Variants in ZFHX3 observed in about 807,000 individuals in gnomAD.
ZFHX3 encodes zinc finger homeobox 3.
ZFHX3 carries 42 observed loss-of-function variants against 279.1 expected under a neutral mutation model. The observed-to-expected ratio is 0.15, with a 90% CI of 0.12 to 0.19. The LOEUF (loss-of-function observed/expected upper bound fraction) is 0.19. Ranked by LOEUF, ZFHX3 falls within the 10% of genes least tolerant of loss-of-function variation. The pLI, the probability that ZFHX3 is intolerant of heterozygous loss-of-function variation, is 1.00. For synonymous variants in ZFHX3, 2,293 were observed against 1,957.8 expected (o/e 1.17, Z -4.52); for missense variants, 4,981 against 4,754.0 (o/e 1.05, Z -1.40).
intron 3 of ZFHX3, among the ~76,000 whole-genome samples, chr16:72,940,767 G>A (rs562870297): frequency 3.7e-4 from 56 of 152,354 alleles, no homozygotes; most frequent in African/African-American, 1.1e-3. Context: ...TCCTGAGTCC[G>A]GGAACATGCT....
At chr16:73,544,603 T>C (rs568296464) in intron 2 of ZFHX3, among the ~76,000 whole-genome samples, 1 of 152,218 alleles carries the variant, frequency 6.6e-6, no homozygotes, top group Admixed American at 6.5e-5. Context: ...AACGGGGACC[T>C]ATCACTGTGC....
At chr16:73,544,226 G>A (rs1176394336) in intron 2 of ZFHX3, among the ~76,000 whole-genome samples, 1 of 152,164 alleles carries the variant, frequency 6.6e-6, no homozygotes, top group African/African-American at 2.4e-5. Flanking sequence ...GGGAGAGTTT[G>A]TTTTACATTT....
At chr16:73,027,898 C>T (rs1217584126) in intron 1 of ZFHX3, among the ~76,000 whole-genome samples, 2 of 152,176 alleles carry the variant, frequency 1.3e-5, no homozygotes, top group South Asian at 2.1e-4. Context: ...AATACACTGC[C>T]GGGTGCCTTG....
intron 3 of ZFHX3, among the ~76,000 whole-genome samples, chr16:72,932,441 G>A (rs973722077): frequency 7.3e-5 from 11 of 151,610 alleles, no homozygotes; most frequent in African/African-American, 2.7e-4. Context: ...CATTACTTAG[G>A]AGAGGAGATG....
At chr16:73,841,721 G>A (rs372292549) in intron 1 of ZFHX3, among the ~76,000 whole-genome samples, 2 of 152,176 alleles carry the variant, frequency 1.3e-5, no homozygotes, top group Non-Finnish European at 2.9e-5. Flanking sequence ...GTTTCACCCC[G>A]AAGAGAACTT....
chr16:73,006,969 A>T (rs1189888795), intron 1 of ZFHX3, among the ~76,000 whole-genome samples: 1 of 152,236 alleles, frequency 6.6e-6, no homozygotes, highest in African/African-American at 2.4e-5. Flanking sequence ...GGTCCTTTAC[A>T]TGTTGAGTAA....
chr16:72,937,853 G>T (rs979822807), intron 3 of ZFHX3, among the ~76,000 whole-genome samples: 1 of 152,156 alleles, frequency 6.6e-6, no homozygotes, highest in African/African-American at 2.4e-5. Flanking sequence ...AACAATCACT[G>T]GTGTCCTATA....
At chr16:73,688,973 T>A (rs1259073310) in intron 1 of ZFHX3, among the ~76,000 whole-genome samples, 4 of 152,188 alleles carry the variant, frequency 2.6e-5, no homozygotes, top group African/African-American at 9.7e-5. Flanking sequence ...GTGAGTCCAT[T>A]AAGCCTCTTT....
intron 2 of ZFHX3, among the ~76,000 whole-genome samples, chr16:73,645,143 A>G (rs184159085): frequency 6.6e-6 from 1 of 152,404 alleles, no homozygotes; most frequent in East Asian, 1.9e-4. Context: ...GCTGGTGAAC[A>G]GAAAGGCTTT....
At chr16:73,454,609 A>G (rs1274240775) in intron 3 of ZFHX3, among the ~76,000 whole-genome samples, 1 of 151,054 alleles carries the variant, frequency 6.6e-6, no homozygotes, top group Non-Finnish European at 1.5e-5. Context: ...ACAGATCTCA[A>G]TTTCTTTATT....
At chr16:73,398,923 G>C (rs1165028280) in intron 3 of ZFHX3, among the ~76,000 whole-genome samples, 2 of 151,854 alleles carry the variant, frequency 1.3e-5, no homozygotes, top group African/African-American at 4.8e-5. Flanking sequence ...GGAGTGCAGT[G>C]GCACAATCTC....
rs558642562 is a variant in ZFHX3, at chr16:73,298,382, C to T, written c.-1194+19858G>A. On this transcript the variant is annotated intron_variant, in intron 4 of 17. Coordinates refer to the ZFHX3 transcript ENST00000641206. Reference sequence around the variant, plus strand: ...TATTTTTAGTAGAGATGGGGTTTCTCCATGTTGGTCAAACCAGTCTCGAAC... The same window carrying T: ...TATTTTTAGTAGAGATGGGGTTTCTTCATGTTGGTCAAACCAGTCTCGAAC... Among the ~76,000 whole-genome samples, 84 of 152,040 alleles carry T rather than the reference C, an allele frequency of 5.5e-4. No homozygotes were observed. In the South Asian group the frequency reaches 0.017, roughly 31 times the overall value.
chr16:73,508,719 G>A (rs2019370745), intron 2 of ZFHX3, among the ~76,000 whole-genome samples: 1 of 152,202 alleles, frequency 6.6e-6, no homozygotes, highest in African/African-American at 2.4e-5. Context: ...AATATGAGCA[G>A]ATGCAGTGGT....
chr16:72,841,474 A>G (rs550155530), intron 4 of ZFHX3, among the ~76,000 whole-genome samples: 11 of 152,340 alleles, frequency 7.2e-5, no homozygotes, highest in Non-Finnish European at 1.3e-4. Flanking sequence ...GGGGAGAAAG[A>G]ATATTGGATC....
chr16:73,302,984 G>C (rs2015092454), intron 4 of ZFHX3, among the ~76,000 whole-genome samples: 1 of 152,138 alleles, frequency 6.6e-6, no homozygotes, highest in African/African-American at 2.4e-5. Context: ...AAATGATTAG[G>C]GGACTCTCTA....
chr16:73,378,995 G>A (rs2016773791), intron 3 of ZFHX3, among the ~76,000 whole-genome samples: 1 of 152,096 alleles, frequency 6.6e-6, no homozygotes, highest in Non-Finnish European at 1.5e-5. Flanking sequence ...TACACCTTGA[G>A]GTTCTTTTAT....
rs534364368 is a variant in ZFHX3, at chr16:73,788,832, G to C, written c.-1608+102819C>G. On this transcript the variant is annotated intron_variant, in intron 1 of 17. Coordinates refer to the ZFHX3 transcript ENST00000641206. ...TACTAAAAATGCAAAAAATTAGCTG[G>C]GTGTGCCGGCACGTGCCTGTAGTCC... Among the ~76,000 whole-genome samples the C allele has an allele frequency of 2.0e-3, 296 of 151,408 alleles. 2 individuals carry two copies. The highest frequency in any genetic ancestry group is 7.0e-3 in the Middle Eastern group (2 of 286).
At chr16:72,835,265 A>G (rs998449021) in intron 4 of ZFHX3, among the ~76,000 whole-genome samples, 1 of 152,204 alleles carries the variant, frequency 6.6e-6, no homozygotes, top group Non-Finnish European at 1.5e-5. Flanking sequence ...AATATTTAGC[A>G]GTGGCTTGGA....
intron 2 of ZFHX3, among the ~76,000 whole-genome samples, chr16:73,467,393 G>A (rs1240866038): frequency 4.6e-5 from 7 of 152,198 alleles, no homozygotes; most frequent in Non-Finnish European, 8.8e-5. Flanking sequence ...TGGCTCCACA[G>A]CTCCTGCTCT....
Sources: gnomAD v4.1 joint callset for allele counts (sites outside exome capture counted in the v4.1 genomes callset) on GRCh38, gnomAD v4.1.1 for gene constraint, MANE v1.5 for transcripts, NCBI Gene and HGNC (gene_info 2026-07-23, HGNC 2026-07-21) for gene names.